Variants in SLC2A9 observed in about 807,000 individuals in gnomAD.
SLC2A9 encodes the protein solute carrier family 2, facilitated glucose transporter member 9.
SLC2A9 carries 39 observed loss-of-function variants against 50.6 expected under a neutral mutation model. The ratio of observed to expected loss-of-function variants is 0.77; its 90% CI spans 0.60 to 1.01. The LOEUF is 1.01. Ranked by LOEUF, SLC2A9 falls within the 50% of genes least tolerant of loss-of-function variation. SLC2A9 has a pLI of 0.00. For synonymous variants in SLC2A9, 324 were observed against 276.9 expected, an observed-to-expected ratio of 1.17 and a Z score of -1.69; for missense variants, 686 against 677.6, an observed-to-expected ratio of 1.01 and a Z score of -0.14.
chr4:9,869,953 G>C (rs892744989), intron 10 of SLC2A9, among the ~76,000 whole-genome samples: 4 of 152,248 alleles, frequency 2.6e-5, no homozygotes, highest in Admixed American at 6.5e-5. Context: ...GAGGACCTGG[G>C]TCCTAAATGC....
intron 2 of SLC2A9, among the ~76,000 whole-genome samples, chr4:10,014,611 C>T (rs898601056): frequency 5.9e-5 from 9 of 152,210 alleles, no homozygotes; most frequent in Non-Finnish European, 1.5e-5. Flanking sequence ...AAGCCTTGAG[C>T]TCTCTCTTTC....
At chr4:9,969,992 A>G (rs998411519) in intron 5 of SLC2A9, among the ~76,000 whole-genome samples, 1 of 152,224 alleles carries the variant, frequency 6.6e-6, no homozygotes, top group African/African-American at 2.4e-5. Flanking sequence ...CACCACAGGC[A>G]TTTAACCAGA....
chr4:9,903,950 T>C (rs1159759456), intron 8 of SLC2A9, among the ~76,000 whole-genome samples: 2 of 148,018 alleles, frequency 1.4e-5, no homozygotes, highest in East Asian at 3.9e-4. Flanking sequence ...TGTTTTCAAA[T>C]ACATAATATA....
intron 3 of SLC2A9, chr4:9,782,565 A>T (rs752655773): frequency 1.2e-6 from 2 of 1,613,950 alleles, no homozygotes; most frequent in Admixed American, 3.3e-5. Flanking sequence ...GTCCAGCTCA[A>T]CTGGCACAGG....
At chr4:10,028,394 T>C (rs1763822407) in intron 1 of SLC2A9, among the ~76,000 whole-genome samples, 1 of 152,178 alleles carries the variant, frequency 6.6e-6, no homozygotes, top group Non-Finnish European at 1.5e-5. Context: ...GGCTCCTCGT[T>C]TGATTTAAGA....
At chr4:9,912,786 C>T (rs1449922503) in intron 7 of SLC2A9, among the ~76,000 whole-genome samples, 1 of 152,218 alleles carries the variant, frequency 6.6e-6, no homozygotes, top group Non-Finnish European at 1.5e-5. Context: ...GAACATCTTA[C>T]TTTACATGGC....
intron 10 of SLC2A9, among the ~76,000 whole-genome samples, chr4:9,869,245 A>T (rs758843932): frequency 1.3e-5 from 2 of 152,174 alleles, no homozygotes; most frequent in Non-Finnish European, 1.5e-5. Flanking sequence ...TCTCAGCATC[A>T]ACCTCCGTCT....
chr4:9,814,559 T>C (rs961434150), intron 3 of SLC2A9, among the ~76,000 whole-genome samples: 1 of 152,180 alleles, frequency 6.6e-6, no homozygotes, highest in Non-Finnish European at 1.5e-5. Flanking sequence ...GTTCTGTGAA[T>C]TGATTGTGTT....
chr4:9,821,502 TG>T (rs1450381260), downstream of SLC2A9, among the ~76,000 whole-genome samples: 2 of 152,026 alleles, frequency 1.3e-5, no homozygotes, highest in South Asian at 2.1e-4. Context: ...TGTCAGGGGC[TG>T]GGGGGCAAGA....
intron 5 of SLC2A9, among the ~76,000 whole-genome samples, chr4:9,978,758 C>G (rs1755229659): frequency 6.6e-6 from 1 of 152,136 alleles, no homozygotes; most frequent in Non-Finnish European, 1.5e-5. Flanking sequence ...GCCGTAATAA[C>G]CCAGAATGGT....
At chr4:9,795,201 C>T (rs777611052), downstream of SLC2A9, among the ~76,000 whole-genome samples, 2 of 151,808 alleles carry the variant, frequency 1.3e-5, no homozygotes, top group South Asian at 4.2e-4. Flanking sequence ...TTAGTATAGA[C>T]AGGGTTTCAC....
intron 10 of SLC2A9, among the ~76,000 whole-genome samples, chr4:9,852,681 T>A (rs1730157862): frequency 6.6e-6 from 1 of 152,168 alleles, no homozygotes; most frequent in South Asian, 2.1e-4. Context: ...TACCACCAGA[T>A]CTGCCATATA....
At chr4:9,954,312 A>G (rs4519796) in intron 5 of SLC2A9, among the ~76,000 whole-genome samples, 73,370 of 152,198 alleles carry the variant, frequency 0.48, 19,065 homozygotes, top group African/African-American at 0.67. Context: ...GGGCCTGGCC[A>G]CAGACATGGG....
intron 10 of SLC2A9, among the ~76,000 whole-genome samples, chr4:9,886,913 G>T (rs1736374096): frequency 6.6e-6 from 1 of 152,204 alleles, no homozygotes; most frequent in Non-Finnish European, 1.5e-5. Context: ...CTAACAAAGA[G>T]AAGAAGTCTC....
chr4:9,774,859 T>C (rs1475576440), downstream of SLC2A9, among the ~76,000 whole-genome samples: 1 of 152,044 alleles, frequency 6.6e-6, no homozygotes, highest in African/African-American at 2.4e-5. Context: ...TATATGGGCC[T>C]CATTCCTTCT....
intron 6 of SLC2A9, 24 bp from the exon 7 acceptor site, chr4:9,920,596 C>A: frequency 6.2e-7 from 1 of 1,613,918 alleles, no homozygotes; most frequent in Non-Finnish European, 8.5e-7. Flanking sequence ...CACACATGGA[C>A]TTTCAGCAGG....
chr4:9,893,915 G>A (rs578157133), intron 8 of SLC2A9, among the ~76,000 whole-genome samples: 12 of 152,312 alleles, frequency 7.9e-5, no homozygotes, highest in African/African-American at 2.6e-4. Context: ...TAATCTTGGC[G>A]TAGCACTCTC....
intron 2 of SLC2A9, among the ~76,000 whole-genome samples, chr4:10,006,263 CA>C (rs760482059): frequency 6.6e-6 from 1 of 152,160 alleles, no homozygotes; most frequent in Non-Finnish European, 1.5e-5. Flanking sequence ...CAATGGGAGG[CA>C]AATTACCTCG....
At chr4:9,966,419 G>T (rs1296834519) in intron 5 of SLC2A9, among the ~76,000 whole-genome samples, 1 of 152,162 alleles carries the variant, frequency 6.6e-6, no homozygotes, top group Non-Finnish European at 1.5e-5. Context: ...ACTCTGATGG[G>T]CCAAGGTGGG....
Sources: allele counts gnomAD v4.1 joint callset (sites outside exome capture counted in the v4.1 genomes callset), GRCh38; gene constraint gnomAD v4.1.1; transcripts MANE v1.5; gene names NCBI Gene and HGNC (gene_info 2026-07-23, HGNC 2026-07-21).